KIF16B: variants seen among roughly 807,000 people sequenced by gnomAD.
KIF16B encodes the protein kinesin family member 16B, also known as kinesin-like protein KIF16B.
A neutral mutation model predicts 156.3 loss-of-function variants in KIF16B; 98 were observed. That is an observed-to-expected ratio of 0.63 (90% CI 0.53 to 0.74). The LOEUF (loss-of-function observed/expected upper bound fraction) is 0.74. Ranked by LOEUF, KIF16B falls within the 30% of genes least tolerant of loss-of-function variation. KIF16B has a pLI of 0.00. For missense variants in KIF16B, 1,421 were observed against 1,606.5 expected, an observed-to-expected ratio of 0.88 and a Z score of 1.97; for synonymous variants, 564 against 583.7, an observed-to-expected ratio of 0.97 and a Z score of 0.49.
chr20:16,573,376 C>G lies in KIF16B; in HGVS notation c.-101G>C. Reference sequence around the variant, plus strand: ...GATCGCGGCTCCCGCCCACTTCCCTCTCGCCCCCGCCCCTCTGCTCCCGGC... The same window carrying G: ...GATCGCGGCTCCCGCCCACTTCCCTGTCGCCCCCGCCCCTCTGCTCCCGGC... On this transcript the variant is annotated 5_prime_UTR_variant, in exon 1 of 26. Transcript: ENST00000354981. 5 of 1,288,110 alleles carry G rather than the reference C, an allele frequency of 3.9e-6. No individual in the cohort carries two copies. In the South Asian group the frequency reaches 6.7e-5, roughly 17 times the overall value. 79.8% of individuals were successfully genotyped at this position (1,288,110 alleles called of 1,614,324 possible).
chr20:16,415,393 C>T (rs1009040115), intron 15 of KIF16B, among the ~76,000 whole-genome samples: 4 of 152,124 alleles, frequency 2.6e-5, no homozygotes, highest in Non-Finnish European at 4.4e-5. Context: ...AGTTCTTGCA[C>T]AATGCCTCCC....
chr20:16,444,305 A>T (rs529119381), intron 12 of KIF16B, among the ~76,000 whole-genome samples: 2 of 152,248 alleles, frequency 1.3e-5, no homozygotes, highest in Non-Finnish European at 2.9e-5. Flanking sequence ...CTGAAGGCCA[A>T]ATAAGGCTGT....
chr20:16,549,866 A>G (rs1180301697), intron 1 of KIF16B, among the ~76,000 whole-genome samples: 1 of 81,464 alleles, frequency 1.2e-5, no homozygotes, highest in African/African-American at 4.9e-5. Context: ...TTAAAGATTT[A>G]AACGTTAGAC....
At chr20:16,284,744 T>C (rs2063198698) in intron 25 of KIF16B, among the ~76,000 whole-genome samples, 1 of 152,106 alleles carries the variant, frequency 6.6e-6, no homozygotes, top group African/African-American at 2.4e-5. Context: ...AGTTTGCCAA[T>C]CCCTGGTCTA....
intron 1 of KIF16B, among the ~76,000 whole-genome samples, chr20:16,569,299 CAAT>C (rs890869753): frequency 6.6e-6 from 1 of 152,192 alleles, no homozygotes; most frequent in African/African-American, 2.4e-5. Context: ...AATGGCATAA[CAAT>C]AATGTCTCTA....
intron 25 of KIF16B, among the ~76,000 whole-genome samples, chr20:16,295,820 C>T (rs1385280223): frequency 6.6e-6 from 1 of 152,102 alleles, no homozygotes; most frequent in African/African-American, 2.4e-5. Context: ...GCTGAATAAT[C>T]AATACACCAT....
intron 18 of KIF16B, among the ~76,000 whole-genome samples, 195 bp downstream of exon 18, chr20:16,381,499 A>C (rs2065093759): frequency 6.6e-6 from 1 of 151,314 alleles, no homozygotes; most frequent in Non-Finnish European, 1.5e-5. Flanking sequence ...GTTTAAAAAA[A>C]TTTAAACTTG....
At chr20:16,386,226 C>A (rs1046023218) in intron 17 of KIF16B, among the ~76,000 whole-genome samples, 1 of 151,968 alleles carries the variant, frequency 6.6e-6, no homozygotes, top group African/African-American at 2.4e-5. Context: ...TTCACAGTGA[C>A]GGGCAGAGAT....
chr20:16,481,955 G>A (rs147590054), intron 12 of KIF16B, among the ~76,000 whole-genome samples: 162 of 152,226 alleles, frequency 1.1e-3, no homozygotes, highest in African/African-American at 3.6e-3. Context: ...TGATAGGTAC[G>A]ATTACTGTCT....
rs369710219 is a variant in KIF16B at position 16,424,941 on chromosome 20, C to T, written c.1612+2163G>A. Among the ~76,000 whole-genome samples, 24 of 152,214 alleles carry T rather than the reference C, an allele frequency of 1.6e-4. No homozygotes were observed. In the East Asian group the frequency reaches 4.4e-3, roughly 28 times the overall value. ...AGTATTAGTGTATTGGTATAAACTCCTTGTTAGCAATATAGGTACTGAAAT... is the reference window on the plus strand; with the variant it reads ...AGTATTAGTGTATTGGTATAAACTCTTTGTTAGCAATATAGGTACTGAAAT... On this transcript the variant is annotated intron_variant, in intron 15 of 25. Coordinates refer to ENST00000354981, the MANE Select transcript of KIF16B (RefSeq NM_024704.5).
intron 25 of KIF16B, among the ~76,000 whole-genome samples, chr20:16,311,117 C>A (rs1322543644): frequency 6.6e-6 from 1 of 152,238 alleles, no homozygotes; most frequent in Non-Finnish European, 1.5e-5. Flanking sequence ...CAGCACTTCA[C>A]AATCCAGAAA....
intron 25 of KIF16B, among the ~76,000 whole-genome samples, chr20:16,289,773 G>A (rs900194846): frequency 2.6e-5 from 4 of 152,166 alleles, no homozygotes; most frequent in African/African-American, 4.8e-5. Context: ...CCCAGGAGGC[G>A]GAGGCTGCAG....
At chr20:16,287,103 C>T (rs2063233881) in intron 25 of KIF16B, among the ~76,000 whole-genome samples, 1 of 152,110 alleles carries the variant, frequency 6.6e-6, no homozygotes, top group South Asian at 2.1e-4. Flanking sequence ...AGTTTTAGGG[C>T]AGTTCATTAT....
intron 12 of KIF16B, among the ~76,000 whole-genome samples, chr20:16,471,513 T>C (rs1366944330): frequency 6.6e-6 from 1 of 152,214 alleles, no homozygotes; most frequent in African/African-American, 2.4e-5. Context: ...CTCACAATGA[T>C]ATAATCTTGA....
chr20:16,560,419 G>T (rs2071013808), intron 1 of KIF16B, among the ~76,000 whole-genome samples: 1 of 152,242 alleles, frequency 6.6e-6, no homozygotes, highest in African/African-American at 2.4e-5. Flanking sequence ...ATCAGCAGGT[G>T]CAGTGAGGTG....
At chr20:16,336,365 A>G (rs2064036948) in intron 23 of KIF16B, among the ~76,000 whole-genome samples, 1 of 152,218 alleles carries the variant, frequency 6.6e-6, no homozygotes, top group Non-Finnish European at 1.5e-5. Flanking sequence ...AGTCATTGTT[A>G]GTATAATAAC....
chr20:16,497,521 A>T (rs1317212177), intron 11 of KIF16B, 92 bp downstream of exon 11: 1 of 950,536 alleles, frequency 1.1e-6, no homozygotes, highest in Non-Finnish European at 1.7e-6. Context: ...AAAGAAAAAG[A>T]AGGCATCTCA....
intron 2 of KIF16B, among the ~76,000 whole-genome samples, chr20:16,526,821 G>C (rs1195615621): frequency 6.6e-6 from 1 of 152,118 alleles, no homozygotes; most frequent in Non-Finnish European, 1.5e-5. Flanking sequence ...CCCAAAGCCT[G>C]CTTATTGGAC....
chr20:16,374,397 T>G lies in KIF16B; in HGVS notation c.3210A>C (p.Glu1070Asp). The change falls in exon 20 of 26, where the codon GAA (glutamate) becomes GAC (aspartate). Residue 1070 changes from glutamate to aspartate, a missense_variant. Coordinates refer to ENST00000354981, the MANE Select transcript of KIF16B (RefSeq NM_024704.5). ...LEKDQERLEY[E>D]IQQLKQKIYE... is the part of the protein sequence containing the mutation. ...AAATCTTCTGTTTCAGCTGCTGGAT[T>G]TCATATTCTAACCTACACAGATAGG... 1 of 1,584,758 alleles carries G rather than the reference T, an allele frequency of 6.3e-7. No individual in the cohort carries two copies. The highest frequency in any genetic ancestry group is 8.6e-7 in the Non-Finnish European group (1 of 1,162,856).
Sources: allele counts gnomAD v4.1 joint callset (sites outside exome capture counted in the v4.1 genomes callset), GRCh38; gene constraint gnomAD v4.1.1; transcripts MANE v1.5; gene names NCBI Gene and HGNC (gene_info 2026-07-23, HGNC 2026-07-21).